AGAP1: variants seen among roughly 807,000 people sequenced by gnomAD.
AGAP1 encodes the protein ArfGAP with GTPase domain, ankyrin repeat and PH domain 1, also known as arf-GAP with GTPase, ANK repeat and PH domain-containing protein 1.
Under a neutral mutation model 105.3 loss-of-function variants are expected in AGAP1, and 29 were observed. That is an observed-to-expected ratio of 0.28 (90% CI 0.21 to 0.38). The LOEUF (loss-of-function observed/expected upper bound fraction) is 0.38. AGAP1 is among the 10% of genes least tolerant of loss of function. AGAP1 has a pLI of 1.00. For missense variants in AGAP1, 998 were observed against 1,165.1 expected, an observed-to-expected ratio of 0.86 and a Z score of 2.09; for synonymous variants, 509 against 485.9, an observed-to-expected ratio of 1.05 and a Z score of -0.63.
intron 2 of AGAP1, among the ~76,000 whole-genome samples, chr2:235,713,919 C>T (rs1026565831): frequency 2.0e-5 from 3 of 152,196 alleles, no homozygotes; most frequent in Non-Finnish European, 2.9e-5. Context: ...TCTCAGGCCT[C>T]TTCTACAAGG....
chr2:236,030,677 A>C (rs1390321617), intron 13 of AGAP1, among the ~76,000 whole-genome samples: 1 of 152,218 alleles, frequency 6.6e-6, no homozygotes, highest in Non-Finnish European at 1.5e-5. Context: ...TCTTGAGATC[A>C]TGCCTCACTG....
At chr2:235,694,659 A>G (rs932360948) in intron 1 of AGAP1, among the ~76,000 whole-genome samples, 1 of 151,778 alleles carries the variant, frequency 6.6e-6, no homozygotes, top group Admixed American at 6.6e-5. Flanking sequence ...GGGAGAAAAA[A>G]AAAAAGAAAA....
chr2:235,632,412 C>T (rs1357403587), intron 1 of AGAP1, among the ~76,000 whole-genome samples: 1 of 152,154 alleles, frequency 6.6e-6, no homozygotes, highest in African/African-American at 2.4e-5. Context: ...CCTGTGTGTT[C>T]CTCCATGGAG....
rs1387436034 is a variant in AGAP1, at chr2:235,772,022, G to A, written c.673+21534G>A. On this transcript the variant is annotated intron_variant, in intron 6 of 17. Coordinates refer to ENST00000304032, the MANE Select transcript of AGAP1 (RefSeq NM_001037131.3). ...ATCTTTTTTTTTTTTTTGAGTTGGA[G>A]TCTCACTCTGTTGCCCAGGCTGGAA... Among the ~76,000 whole-genome samples the A allele has an allele frequency of 5.9e-5, 8 of 134,654 alleles. No homozygotes were observed. The Admixed American group carries it at 6.0e-4, about 10-fold the overall frequency. The allele number at this position is 134,654 out of a possible 152,430, so 88.3% of individuals were successfully genotyped here. A position where few individuals can be genotyped will look rare whatever the true frequency, so the allele number is the denominator to read the frequency against.
intron 15 of AGAP1, among the ~76,000 whole-genome samples, chr2:236,048,355 C>G (rs3729570): frequency 0.077 from 11,727 of 152,288 alleles, 497 homozygotes; most frequent in East Asian, 0.21. Flanking sequence ...TGCACTAGTC[C>G]TTGGTCTAGT....
Position 235,977,903 on chromosome 2 carries a change from A to C in AGAP1, c.1645+9280A>C, listed in dbSNP as rs911560455. ...CTGGGGGCTTAACCAGCAGAAACTCATTTATCATGGTTCTGAAGGCTGCAA... is the reference window on the plus strand; with the variant it reads ...CTGGGGGCTTAACCAGCAGAAACTCCTTTATCATGGTTCTGAAGGCTGCAA... On this transcript the variant is annotated intron_variant, in intron 13 of 17. Coordinates refer to ENST00000304032, the MANE Select transcript of AGAP1 (RefSeq NM_001037131.3). This position sits in a 1 kb window ranked among gnomAD's most constrained non-coding sequence, Gnocchi z 5.2. Among the ~76,000 whole-genome samples, 2 of 152,096 alleles carry C rather than the reference A, an allele frequency of 1.3e-5. No individual in the cohort carries two copies. Among genetic ancestry groups the C allele is most frequent in the African/African-American group, 2.4e-5 (1 of 41,410 alleles).
rs781126580 is a variant in AGAP1 at position 235,664,050 on chromosome 2, C to T, written c.164-45129C>T. On this transcript the variant is annotated intron_variant, in intron 1 of 17. Coordinates refer to ENST00000304032, the MANE Select transcript of AGAP1 (RefSeq NM_001037131.3). This position sits in a 1 kb window ranked among gnomAD's most constrained non-coding sequence, Gnocchi z 5.7. ...TCCCTGAGCTCGAAGGCTGAATGGT[C>T]GATGGGAGCTCCTTTGGTGACTCCG... 3.9e-5 allele frequency among the ~76,000 whole-genome samples: 6 copies of T among 152,152 alleles called. No individual in the cohort carries two copies. Among genetic ancestry groups the T allele is most frequent in the African/African-American group, 7.2e-5 (3 of 41,448 alleles).
intron 9 of AGAP1, among the ~76,000 whole-genome samples, chr2:235,836,839 A>T (rs185246408): frequency 2.0e-5 from 3 of 152,342 alleles, no homozygotes; most frequent in Admixed American, 2.0e-4. Flanking sequence ...CCACAGGGGC[A>T]CAGACAGAAC....
At chr2:235,922,106 C>T (rs986241351) in intron 11 of AGAP1, among the ~76,000 whole-genome samples, 3 of 152,162 alleles carry the variant, frequency 2.0e-5, no homozygotes, top group African/African-American at 4.8e-5. Flanking sequence ...GCACAACGGG[C>T]GTGGTGCAGC....
At chr2:235,873,708 T>G (rs2049558440) in intron 9 of AGAP1, among the ~76,000 whole-genome samples, 1 of 152,204 alleles carries the variant, frequency 6.6e-6, no homozygotes, top group African/African-American at 2.4e-5. Flanking sequence ...TGGAAGGACC[T>G]TGATGTCAGT....
chr2:235,494,982 C>G (rs1941248674), intron 1 of AGAP1, 133 bp downstream of exon 1: 1 of 831,378 alleles, frequency 1.2e-6, no homozygotes, highest in Non-Finnish European at 1.7e-6. Flanking sequence ...GGGAGCACTG[C>G]GGCGCTGCTT....
Position 235,750,652 on chromosome 2 carries a change from T to C in AGAP1, c.673+164T>C, listed in dbSNP as rs1007032736. On this transcript the variant is annotated intron_variant, in intron 6 of 17. Transcript: ENST00000304032. This position sits in a 1 kb window ranked among gnomAD's most constrained non-coding sequence, Gnocchi z 5.3. ...CCATTCCAGAGGCAATTCTCAGGTA[T>C]GTTTCATATAAACAGTGCTGTGTTC... is the stretch of plus-strand genomic sequence containing the variant. 6.6e-6 allele frequency among the ~76,000 whole-genome samples: 1 copy of C among 152,210 alleles called. No individual in the cohort carries two copies. The highest frequency in any genetic ancestry group is 2.4e-5 in the African/African-American group (1 of 41,436).
chr2:236,031,593 G>C (rs1301126151), intron 13 of AGAP1, among the ~76,000 whole-genome samples: 2 of 152,094 alleles, frequency 1.3e-5, no homozygotes, highest in African/African-American at 2.4e-5. Context: ...GTGAGACGCT[G>C]AATTCCCACC....
At chr2:235,921,220 A>C (rs774283065) in intron 11 of AGAP1, among the ~76,000 whole-genome samples, 4 of 152,220 alleles carry the variant, frequency 2.6e-5, no homozygotes, top group Non-Finnish European at 5.9e-5. Flanking sequence ...ATGGTGATAT[A>C]AATTATCTAC....
intron 16 of AGAP1, among the ~76,000 whole-genome samples, chr2:236,094,784 C>T (rs1328944624): frequency 1.3e-5 from 2 of 151,962 alleles, no homozygotes; most frequent in African/African-American, 4.8e-5. Flanking sequence ...AAGCCTGGCA[C>T]AGAAGATGGG....
chr2:236,106,838 C>T (rs1332497436), intron 16 of AGAP1, among the ~76,000 whole-genome samples: 8 of 152,148 alleles, frequency 5.3e-5, no homozygotes, highest in African/African-American at 1.7e-4. Context: ...GCCAAGAACC[C>T]CTGCTGCCTC....
intron 9 of AGAP1, among the ~76,000 whole-genome samples, chr2:235,837,766 G>T (rs748299575): frequency 5.9e-5 from 9 of 152,136 alleles, no homozygotes; most frequent in Admixed American, 3.3e-4. Context: ...ACTCCATATG[G>T]GAGGAGAGTC....
intron 1 of AGAP1, among the ~76,000 whole-genome samples, chr2:235,505,051 C>T (rs1941736713): frequency 6.6e-6 from 1 of 152,170 alleles, no homozygotes; most frequent in Admixed American, 6.5e-5. Context: ...CTCTTTCTGG[C>T]TGAGCCCCAA....
At chr2:235,838,171 G>A (rs961188933) in intron 9 of AGAP1, among the ~76,000 whole-genome samples, 7 of 152,142 alleles carry the variant, frequency 4.6e-5, no homozygotes, top group African/African-American at 1.7e-4. Flanking sequence ...GGGTGGCAGA[G>A]TGAGACTGTG....
Sources: gnomAD v4.1 joint callset for allele counts (sites outside exome capture counted in the v4.1 genomes callset) on GRCh38, gnomAD v4.1.1 for gene constraint, Gnocchi (gnomAD v3.1) non-coding constraint, MANE v1.5 for transcripts, NCBI Gene and HGNC (gene_info 2026-07-23, HGNC 2026-07-21) for gene names.